Variants in ZNF804B observed in about 807,000 individuals in gnomAD.
The protein encoded by ZNF804B is zinc finger 804B.
A neutral mutation model predicts 101.4 loss-of-function variants in ZNF804B; 80 were observed. That is an observed-to-expected ratio of 0.79 (90% CI 0.66 to 0.95). ZNF804B has a LOEUF of 0.95. ZNF804B is among the 40% of genes least tolerant of loss of function. ZNF804B has a pLI of 0.00. For synonymous variants in ZNF804B, 622 were observed against 558.8 expected (o/e 1.11, Z -1.59); for missense variants, 1,673 against 1,561.9 (o/e 1.07, Z -1.20).
Position 88,921,890 on chromosome 7 carries a change from T to C in ZNF804B, c.108+161806T>C, listed in dbSNP as rs138381730. ...CATTTAAAAAATTGATTGGGGTTAA[T>C]TTCTACTGATATATAACTAGCTGTG... On this transcript the variant is annotated intron_variant, in intron 1 of 3. Coordinates refer to ENST00000333190, the MANE Select transcript of ZNF804B (RefSeq NM_181646.5). 3.9e-5 allele frequency among the ~76,000 whole-genome samples: 6 copies of C among 152,220 alleles called. No homozygotes were observed. In the East Asian group the frequency reaches 1.2e-3, roughly 29 times the overall value.
intron 1 of ZNF804B, among the ~76,000 whole-genome samples, chr7:89,216,213 G>T (rs527699532): frequency 1.3e-5 from 2 of 151,988 alleles, no homozygotes; most frequent in African/African-American, 4.8e-5. Context: ...GGGCTGAGAC[G>T]GGAGAATCGC....
chr7:89,246,562 C>T (rs1789450437), intron 2 of ZNF804B, among the ~76,000 whole-genome samples: 1 of 151,562 alleles, frequency 6.6e-6, no homozygotes, highest in African/African-American at 2.4e-5. Flanking sequence ...GTGTAAGGAG[C>T]TCCTCTGTGT....
chr7:89,062,398 A>T (rs755880008), intron 1 of ZNF804B, among the ~76,000 whole-genome samples: 1 of 151,968 alleles, frequency 6.6e-6, no homozygotes, highest in Admixed American at 6.6e-5. Context: ...AGCAATATTG[A>T]CCTGACTTCT....
chr7:88,926,964 G>A (rs1792813263), intron 1 of ZNF804B, among the ~76,000 whole-genome samples: 1 of 148,438 alleles, frequency 6.7e-6, no homozygotes, highest in Non-Finnish European at 1.5e-5. Context: ...CTGTTCTGTA[G>A]TTTGTTGTAC....
chr7:89,327,678 C>T (rs1387507883), intron 3 of ZNF804B, among the ~76,000 whole-genome samples: 2 of 151,928 alleles, frequency 1.3e-5, no homozygotes, highest in Non-Finnish European at 2.9e-5. Flanking sequence ...TTAATGTACT[C>T]TATAATGAAA....
At chr7:89,304,088 A>G (rs1442949306) in intron 2 of ZNF804B, among the ~76,000 whole-genome samples, 5 of 151,876 alleles carry the variant, frequency 3.3e-5, no homozygotes, top group Admixed American at 3.3e-4. Flanking sequence ...TAAATTATTT[A>G]TCTGCCTCTT....
intron 1 of ZNF804B, among the ~76,000 whole-genome samples, chr7:88,970,065 C>T (rs1014903466): frequency 6.7e-6 from 1 of 150,070 alleles, no homozygotes; most frequent in African/African-American, 2.5e-5. Context: ...TTTTCTCCTT[C>T]CTTTCCTTCC....
intron 1 of ZNF804B, among the ~76,000 whole-genome samples, chr7:88,968,706 G>T (rs1029983421): frequency 6.6e-6 from 1 of 151,534 alleles, no homozygotes; most frequent in African/African-American, 2.4e-5. Flanking sequence ...GATAGGAAAT[G>T]TCACACCAAA....
At chr7:89,307,462 A>T (rs2115936164) in intron 2 of ZNF804B, among the ~76,000 whole-genome samples, 1 of 152,124 alleles carries the variant, frequency 6.6e-6, no homozygotes, top group South Asian at 2.1e-4. Context: ...TTTACTGGAA[A>T]ATCTGAGAAT....
chr7:88,807,818 G>A (rs1790715622), intron 1 of ZNF804B, among the ~76,000 whole-genome samples: 1 of 152,130 alleles, frequency 6.6e-6, no homozygotes, highest in African/African-American at 2.4e-5. Context: ...GCATAATCAA[G>A]TCTATTTTAC....
chr7:88,871,782 G>C (rs555515573), intron 1 of ZNF804B, among the ~76,000 whole-genome samples: 36 of 152,106 alleles, frequency 2.4e-4, no homozygotes, highest in African/African-American at 8.4e-4. Flanking sequence ...TGACCAACAT[G>C]GAGAAACTCC....
chr7:89,258,528 T>A (rs1021365525), intron 2 of ZNF804B, among the ~76,000 whole-genome samples: 4 of 152,110 alleles, frequency 2.6e-5, no homozygotes, highest in Non-Finnish European at 5.9e-5. Context: ...GCTCTGTAAT[T>A]GTAGAATCAA....
chr7:89,017,291 A>G (rs1251886528), intron 1 of ZNF804B, among the ~76,000 whole-genome samples: 3 of 152,176 alleles, frequency 2.0e-5, no homozygotes, highest in Non-Finnish European at 1.5e-5. Flanking sequence ...AACAGGGACA[A>G]TTTGACTTCC....
At chr7:89,113,999 A>G (rs1027411220) in intron 1 of ZNF804B, among the ~76,000 whole-genome samples, 2 of 152,186 alleles carry the variant, frequency 1.3e-5, no homozygotes, top group African/African-American at 4.8e-5. Flanking sequence ...GCAAGAATTA[A>G]GCTTAAACTG....
intron 1 of ZNF804B, among the ~76,000 whole-genome samples, chr7:89,138,373 CA>C (rs1790667740): frequency 1.3e-5 from 2 of 152,088 alleles, no homozygotes; most frequent in Non-Finnish European, 2.9e-5. Flanking sequence ...GATCATTTTG[CA>C]GCTTTACGAT....
At chr7:88,881,430 T>G (rs1792028045) in intron 1 of ZNF804B, among the ~76,000 whole-genome samples, 1 of 152,140 alleles carries the variant, frequency 6.6e-6, no homozygotes, top group South Asian at 2.1e-4. Context: ...GAATTTAAAT[T>G]TAGCCCAATT....
chr7:89,086,179 T>C (rs1017648421), intron 1 of ZNF804B, among the ~76,000 whole-genome samples: 4 of 152,022 alleles, frequency 2.6e-5, no homozygotes, highest in African/African-American at 7.2e-5. Context: ...AGGCTTTAAC[T>C]GCAGTTTTCT....
At chr7:88,945,662 T>C (rs1793117937) in intron 1 of ZNF804B, among the ~76,000 whole-genome samples, 2 of 152,110 alleles carry the variant, frequency 1.3e-5, no homozygotes, top group African/African-American at 4.8e-5. Flanking sequence ...TAGCATTAAA[T>C]CTATAAATTA....
chr7:89,298,940 G>T (rs1403268130), intron 2 of ZNF804B, among the ~76,000 whole-genome samples: 1 of 151,850 alleles, frequency 6.6e-6, no homozygotes, highest in Admixed American at 6.6e-5. Context: ...TTGTCTCAGG[G>T]TTGCGATAAT....
Sources: allele counts gnomAD v4.1 joint callset (sites outside exome capture counted in the v4.1 genomes callset), GRCh38; gene constraint gnomAD v4.1.1; transcripts MANE v1.5; gene names NCBI Gene and HGNC (gene_info 2026-07-23, HGNC 2026-07-21).